The following NALF1 variants were observed in gnomAD, a reference collection of about 807,000 sequenced individuals.
The protein encoded by NALF1 is NALCN channel auxiliary factor 1.
Under a neutral mutation model 48.4 loss-of-function variants are expected in NALF1, and 3 were observed. The ratio of observed to expected loss-of-function variants is 0.06; its 90% CI spans 0.03 to 0.16. NALF1 has a LOEUF of 0.16. Among genes scored for constraint, NALF1 ranks in the 10% least tolerant of loss-of-function variants. The probability of loss-of-function intolerance (pLI) is 1.00; values close to 1 mark genes in which losing one functional copy is unlikely to be tolerated. For synonymous variants in NALF1, 262 were observed against 245.7 expected (o/e 1.07, Z -0.62); for missense variants, 526 against 571.5 (o/e 0.92, Z 0.81).
chr13:107,695,527 C>T (rs138578282), intron 1 of NALF1, among the ~76,000 whole-genome samples: 1 of 152,098 alleles, frequency 6.6e-6, no homozygotes, highest in African/African-American at 2.4e-5. Flanking sequence ...CTTATTCCTT[C>T]CTACTTAGAC....
chr13:107,667,379 A>G (rs1047869690), intron 1 of NALF1, among the ~76,000 whole-genome samples: 1 of 152,060 alleles, frequency 6.6e-6, no homozygotes, highest in African/African-American at 2.4e-5. Flanking sequence ...CCCACTAAAA[A>G]GTTTTACTTC....
At chr13:107,274,986 T>C (rs1008244092) in intron 1 of NALF1, among the ~76,000 whole-genome samples, 3 of 152,120 alleles carry the variant, frequency 2.0e-5, no homozygotes, top group Non-Finnish European at 4.4e-5. Flanking sequence ...AAAGGGAAGA[T>C]TGAAAGATGT....
intron 1 of NALF1, among the ~76,000 whole-genome samples, chr13:107,367,111 C>T (rs1346200879): frequency 6.6e-6 from 1 of 152,106 alleles, no homozygotes; most frequent in Non-Finnish European, 1.5e-5. Context: ...AAAAGTAAGG[C>T]AAGGAAAGAA....
chr13:107,414,361 CTT>C (rs1884047880), intron 1 of NALF1, among the ~76,000 whole-genome samples: 1 of 151,416 alleles, frequency 6.6e-6, no homozygotes, highest in Non-Finnish European at 1.5e-5. Context: ...CCTCCCTCCT[CTT>C]TGCACATTTT....
chr13:107,436,082 C>G (rs532552555), intron 1 of NALF1, among the ~76,000 whole-genome samples: 96 of 152,280 alleles, frequency 6.3e-4, no homozygotes, highest in Admixed American at 8.5e-4. Context: ...GACACACCAA[C>G]GGCAACAGTA....
intron 1 of NALF1, among the ~76,000 whole-genome samples, chr13:107,335,470 C>T (rs1175589898): frequency 6.6e-6 from 1 of 152,160 alleles, no homozygotes; most frequent in Non-Finnish European, 1.5e-5. Flanking sequence ...CCTATTAAAT[C>T]CCACAGAGAA....
At chr13:107,739,168 G>A (rs1876554800) in intron 1 of NALF1, among the ~76,000 whole-genome samples, 1 of 151,886 alleles carries the variant, frequency 6.6e-6, no homozygotes, top group Admixed American at 6.6e-5. Context: ...AGGCGGTCAG[G>A]GGTAAGGGGA....
At chr13:107,247,996 T>C (rs1358916257) in intron 1 of NALF1, among the ~76,000 whole-genome samples, 3 of 152,080 alleles carry the variant, frequency 2.0e-5, no homozygotes, top group Non-Finnish European at 4.4e-5. Flanking sequence ...GCACCAACAA[T>C]GATCAAGCAT....
intron 1 of NALF1, among the ~76,000 whole-genome samples, chr13:107,792,089 C>G (rs1231309115): frequency 6.6e-6 from 1 of 152,050 alleles, no homozygotes; most frequent in Non-Finnish European, 1.5e-5. Flanking sequence ...AATGTTGTCC[C>G]ACTTTGGCTC....
chr13:107,582,350 T>C (rs184707121), intron 1 of NALF1, among the ~76,000 whole-genome samples: 13 of 152,262 alleles, frequency 8.5e-5, no homozygotes, highest in African/African-American at 2.2e-4. Flanking sequence ...AACATGACAG[T>C]GACGCCAGAA....
intron 1 of NALF1, among the ~76,000 whole-genome samples, chr13:107,212,441 C>A (rs999534176): frequency 1.3e-5 from 2 of 152,178 alleles, no homozygotes; most frequent in Admixed American, 1.3e-4. Context: ...GAAGAAACCT[C>A]TAAGAATTCT....
At chr13:107,633,675 T>G (rs1879890544) in intron 1 of NALF1, among the ~76,000 whole-genome samples, 1 of 150,430 alleles carries the variant, frequency 6.6e-6, no homozygotes, top group African/African-American at 2.4e-5. Flanking sequence ...TTTTTTAACT[T>G]TATTATACAT....
At chr13:107,838,565 G>A (rs78770695) in intron 1 of NALF1, among the ~76,000 whole-genome samples, 1,532 of 152,250 alleles carry the variant, frequency 0.01, 25 homozygotes, top group African/African-American at 0.032. Context: ...GGAGGCATGC[G>A]TGTATGAACA....
intron 1 of NALF1, among the ~76,000 whole-genome samples, chr13:107,593,648 A>G (rs1878659060): frequency 6.6e-6 from 1 of 151,970 alleles, no homozygotes; most frequent in African/African-American, 2.4e-5. Flanking sequence ...TAGGAGTCAA[A>G]CGATGTGTTT....
At chr13:107,716,996 T>C (rs1166924151) in intron 1 of NALF1, among the ~76,000 whole-genome samples, 1 of 152,130 alleles carries the variant, frequency 6.6e-6, no homozygotes, top group Non-Finnish European at 1.5e-5. Flanking sequence ...AAAGATCATC[T>C]CTTCCAACTG....
At chr13:107,762,008 A>C (rs972004818) in intron 1 of NALF1, among the ~76,000 whole-genome samples, 21 of 152,334 alleles carry the variant, frequency 1.4e-4, no homozygotes, top group Non-Finnish European at 2.5e-4. Flanking sequence ...GCTGTAATAA[A>C]TATTTTTATT....
intron 2 of NALF1, among the ~76,000 whole-genome samples, chr13:107,180,957 A>G (rs987189216): frequency 2.6e-5 from 4 of 151,706 alleles, no homozygotes; most frequent in African/African-American, 9.7e-5. Flanking sequence ...GTCAATTTTG[A>G]TAGTTCATAT....
chr13:107,778,406 C>A (rs529273362), intron 1 of NALF1, among the ~76,000 whole-genome samples: 3 of 152,232 alleles, frequency 2.0e-5, no homozygotes, highest in East Asian at 3.9e-4. Context: ...GTGGTTAAAG[C>A]AACTGGGAAT....
chr13:107,644,002 C>G (rs1420401820), intron 1 of NALF1, among the ~76,000 whole-genome samples: 1 of 149,396 alleles, frequency 6.7e-6, no homozygotes, highest in African/African-American at 2.5e-5. Flanking sequence ...TATTTGAGCA[C>G]ATGCAAATTT....
Sources: allele counts gnomAD v4.1 joint callset (sites outside exome capture counted in the v4.1 genomes callset), GRCh38; gene constraint gnomAD v4.1.1; transcripts MANE v1.5; gene names NCBI Gene and HGNC (gene_info 2026-07-23, HGNC 2026-07-21).